Variants in XKR6 observed in about 807,000 individuals in gnomAD.
The protein encoded by XKR6 is XK-related protein 6.
XKR6 carries 22 observed loss-of-function variants against 56.7 expected under a neutral mutation model. That is an observed-to-expected ratio of 0.39 (90% CI 0.28 to 0.55). XKR6 has a LOEUF of 0.55. Among genes scored for constraint, XKR6 ranks in the 20% least tolerant of loss-of-function variants. The pLI is 0.66. For synonymous variants in XKR6, 524 were observed against 387.8 expected (o/e 1.35, Z -4.13); for missense variants, 852 against 889.0 (o/e 0.96, Z 0.53).
Position 10,977,091 on chromosome 8 carries a change from A to G in XKR6, c.765-52261T>C, listed in dbSNP as rs896078010. Among the ~76,000 whole-genome samples, 14 of 152,134 alleles carry G rather than the reference A, an allele frequency of 9.2e-5. 1 individual carries two copies. The highest frequency in any genetic ancestry group is 1.5e-4 in the Non-Finnish European group (10 of 68,008). On this transcript the variant is annotated intron_variant, in intron 1 of 2. Transcript: ENST00000416569. Reference sequence around the variant, plus strand: ...CATGCCCAAGATCACACAGCTGGTGAGGTTTTCTGACTCTGCATCCCCAAG... The same window carrying G: ...CATGCCCAAGATCACACAGCTGGTGGGGTTTTCTGACTCTGCATCCCCAAG...
Position 10,924,711 on chromosome 8 carries a change from G to C in XKR6, c.884C>G (p.Thr295Ser), listed in dbSNP as rs1205510973. Residue 295 changes from threonine to serine, a missense_variant, in exon 2 of 3, where the codon ACC becomes AGC. Thr to Ser is a moderately conservative substitution (Grantham distance 58). This residue lies in a region of XKR6 where 199 missense variants were observed against 280.4 expected (regional missense o/e 0.71). Transcript: ENST00000416569. Reference sequence around the variant, plus strand: ...CAGTTGGGGCGCGCTCTCCAGGAAGGTCTCCAGGAGGCGCAGCATGTTGAC... The same window carrying C: ...CAGTTGGGGCGCGCTCTCCAGGAAGCTCTCCAGGAGGCGCAGCATGTTGAC... ...ADVNMLRLLE[T>S]FLESAPQLVL... 1 of 1,613,588 alleles carries C rather than the reference G, an allele frequency of 6.2e-7. No homozygotes were observed. Among genetic ancestry groups the C allele is most frequent in the African/African-American group, 1.3e-5 (1 of 74,916 alleles).
chr8:10,925,054 G>A (rs1038589218), intron 1 of XKR6, among the ~76,000 whole-genome samples: 1 of 152,122 alleles, frequency 6.6e-6, no homozygotes, highest in Non-Finnish European at 1.5e-5. Flanking sequence ...TTGACCCCTC[G>A]TGGACCCCTA....
At chr8:11,140,177 C>CG (rs988381768) in intron 1 of XKR6, among the ~76,000 whole-genome samples, 16 of 150,012 alleles carry the variant, frequency 1.1e-4, no homozygotes, top group African/African-American at 3.9e-4. Flanking sequence ...GAAATGAATA[C>CG]TAAAGACAGG....
chr8:11,129,061 T>A (rs979907364), intron 1 of XKR6: 1 of 431,142 alleles, frequency 2.3e-6, no homozygotes, highest in Non-Finnish European at 4.7e-6. Context: ...TTCAATTCAA[T>A]GACTCAGATG....
At chr8:10,928,191 T>C (rs1477696721) in intron 1 of XKR6, among the ~76,000 whole-genome samples, 1 of 152,178 alleles carries the variant, frequency 6.6e-6, no homozygotes, top group East Asian at 1.9e-4. Flanking sequence ...AGTCACTCAG[T>C]GCTGTGGGGC....
At chr8:10,953,844 C>A (rs932326974) in intron 1 of XKR6, among the ~76,000 whole-genome samples, 1 of 152,220 alleles carries the variant, frequency 6.6e-6, no homozygotes, top group Non-Finnish European at 1.5e-5. Flanking sequence ...CAGCCTCTGG[C>A]AAGTGCTAGT....
chr8:11,167,937 G>C (rs1470068852), intron 1 of XKR6, among the ~76,000 whole-genome samples: 1 of 117,930 alleles, frequency 8.5e-6, no homozygotes, highest in Admixed American at 8.8e-5. Context: ...AACAGTACCA[G>C]AAGATTAACT....
chr8:11,180,735 A>T (rs2409721), intron 1 of XKR6, among the ~76,000 whole-genome samples: 75,739 of 151,696 alleles, frequency 0.5, 21,759 homozygotes, highest in African/African-American at 0.78. Flanking sequence ...TGAGACCCCA[A>T]CTCCACAAAA....
intron 1 of XKR6, among the ~76,000 whole-genome samples, chr8:10,993,882 A>G (rs1226534330): frequency 6.6e-6 from 1 of 152,152 alleles, no homozygotes; most frequent in Non-Finnish European, 1.5e-5. Flanking sequence ...CTGCAGCCTC[A>G]GCCCACCCCA....
At chr8:11,099,902 A>T (rs1468630212) in intron 1 of XKR6, among the ~76,000 whole-genome samples, 1 of 152,170 alleles carries the variant, frequency 6.6e-6, no homozygotes, top group Admixed American at 6.5e-5. Flanking sequence ...GCAGAGATGG[A>T]GCCATAAGCA....
At chr8:11,173,098 G>A (rs1402281300) in intron 1 of XKR6, among the ~76,000 whole-genome samples, 1 of 152,018 alleles carries the variant, frequency 6.6e-6, no homozygotes, top group Non-Finnish European at 1.5e-5. Flanking sequence ...CACTTTGGGA[G>A]GCTGAGGCGG....
intron 1 of XKR6, among the ~76,000 whole-genome samples, chr8:10,971,370 A>G (rs190188031): frequency 1.1e-4 from 17 of 152,150 alleles, no homozygotes; most frequent in Admixed American, 8.5e-4. Context: ...GCAGTGAGCC[A>G]AGATCGCACC....
intron 1 of XKR6, among the ~76,000 whole-genome samples, chr8:11,136,667 C>A (rs1800420100): frequency 6.6e-6 from 1 of 152,056 alleles, no homozygotes; most frequent in Non-Finnish European, 1.5e-5. Flanking sequence ...ATCTCTTTAC[C>A]ACGTGAAGAC....
chr8:10,906,060 C>A (rs933732714), intron 2 of XKR6, among the ~76,000 whole-genome samples: 2 of 152,220 alleles, frequency 1.3e-5, no homozygotes, highest in African/African-American at 4.8e-5. Context: ...GGCCACACAG[C>A]TAGTAAGCAA....
chr8:10,975,191 G>T (rs1802517014), intron 1 of XKR6, among the ~76,000 whole-genome samples: 1 of 152,184 alleles, frequency 6.6e-6, no homozygotes, highest in Non-Finnish European at 1.5e-5. Flanking sequence ...GAACCTGAGA[G>T]GAACTAGCAC....
At chr8:11,107,439 C>T (rs762756293) in intron 1 of XKR6, among the ~76,000 whole-genome samples, 3 of 152,126 alleles carry the variant, frequency 2.0e-5, no homozygotes, top group African/African-American at 7.2e-5. Flanking sequence ...CCTGCCTCGG[C>T]CTCCCAGAGT....
chr8:11,148,500 G>C (rs1431966366), intron 1 of XKR6, among the ~76,000 whole-genome samples: 1 of 152,220 alleles, frequency 6.6e-6, no homozygotes, highest in Non-Finnish European at 1.5e-5. Flanking sequence ...GCCCCAGTTT[G>C]TGGTTGTTTG....
Position 11,201,370 on chromosome 8 carries a change from G to T in XKR6, c.-31C>A, listed in dbSNP as rs749861943. 15 of 1,454,752 alleles carry T rather than the reference G, an allele frequency of 1.0e-5. No individual in the cohort carries two copies. Among genetic ancestry groups the T allele is most frequent in the South Asian group, 1.3e-5 (1 of 74,304 alleles). 90.1% of individuals were successfully genotyped at this position (1,454,752 alleles called of 1,614,324 possible). ...CTCTCTTCCCAGCTCCGGAGGTTGG[G>T]GGGGAGGGACGGCGGGGGGGGGGGG... On this transcript the variant is annotated 5_prime_UTR_variant, in exon 1 of 3. Transcript: ENST00000416569.
At chr8:11,137,648 C>T (rs549708327) in intron 1 of XKR6, 9 of 456,234 alleles carry the variant, frequency 2.0e-5, no homozygotes, top group Non-Finnish European at 3.5e-5. Context: ...AACACCATGC[C>T]ATGGTGTGAG....
Sources: gnomAD v4.1 joint callset for allele counts (sites outside exome capture counted in the v4.1 genomes callset) on GRCh38, gnomAD v4.1.1 for gene constraint, gnomAD v4.1.1 regional missense constraint, MANE v1.5 for transcripts, NCBI Gene and HGNC (gene_info 2026-07-23, HGNC 2026-07-21) for gene names.